The following PTAR1 variants were observed in gnomAD, a reference collection of about 807,000 sequenced individuals.
PTAR1 encodes the protein protein prenyltransferase alpha subunit repeat containing 1, also known as protein prenyltransferase alpha subunit repeat-containing protein 1.
A neutral mutation model predicts 45.5 loss-of-function variants in PTAR1; 17 were observed. The observed-to-expected ratio is 0.37, with a 90% CI of 0.26 to 0.56. The LOEUF (loss-of-function observed/expected upper bound fraction) is 0.56, where lower values mean the gene tolerates loss of function less well. Among genes scored for constraint, PTAR1 ranks in the 20% least tolerant of loss-of-function variants. The probability of loss-of-function intolerance (pLI) is 0.77; values close to 1 mark genes in which losing one functional copy is unlikely to be tolerated. For missense variants in PTAR1, 391 were observed against 476.3 expected, an observed-to-expected ratio of 0.82 and a Z score of 1.67; for synonymous variants, 169 against 171.3, an observed-to-expected ratio of 0.99 and a Z score of 0.11.
intron 6 of PTAR1, among the ~76,000 whole-genome samples, chr9:69,719,214 A>T (rs1243405622): frequency 6.6e-6 from 1 of 152,164 alleles, no homozygotes; most frequent in Non-Finnish European, 1.5e-5. Context: ...ACTTTACCCT[A>T]AATCCATCAC....
intron 6 of PTAR1, among the ~76,000 whole-genome samples, 163 bp from the exon 7 acceptor site, chr9:69,718,847 T>C (rs1824849270): frequency 6.6e-6 from 1 of 152,166 alleles, no homozygotes; most frequent in South Asian, 2.1e-4. Flanking sequence ...AGAGATGATG[T>C]TCCAGGATAT....
intron 3 of PTAR1, among the ~76,000 whole-genome samples, chr9:69,736,780 C>T (rs1347322458): frequency 6.6e-6 from 1 of 151,684 alleles, no homozygotes; most frequent in East Asian, 1.9e-4. Context: ...CACTGCGGTA[C>T]AGAATTTTAA....
intron 5 of PTAR1, among the ~76,000 whole-genome samples, chr9:69,731,415 C>T (rs912223570): frequency 1.3e-5 from 2 of 152,008 alleles, no homozygotes; most frequent in African/African-American, 4.8e-5. Flanking sequence ...ACTGAGACAC[C>T]GTAGTATATA....
chr9:69,759,783 G>A, intron 1 of PTAR1, 70 bp downstream of exon 1: 2 of 1,405,404 alleles, frequency 1.4e-6, no homozygotes, highest in Non-Finnish European at 9.4e-7. Flanking sequence ...GCCCGAGGTC[G>A]GGTGGACGCT....
At chr9:69,758,610 T>C (rs1223803701) in intron 1 of PTAR1, 10 of 319,212 alleles carry the variant, frequency 3.1e-5, no homozygotes, top group Admixed American at 2.6e-4. Flanking sequence ...GCCAGCAGTG[T>C]TTTGTTTTTA....
At chr9:69,748,673 TC>T (rs1826384772) in intron 2 of PTAR1, among the ~76,000 whole-genome samples, 2 of 152,122 alleles carry the variant, frequency 1.3e-5, no homozygotes, top group South Asian at 2.1e-4. Context: ...ATATATATTC[TC>T]TATAACAAAT....
intron 5 of PTAR1, among the ~76,000 whole-genome samples, chr9:69,731,568 C>A (rs1825538658): frequency 6.6e-6 from 1 of 152,188 alleles, no homozygotes; most frequent in African/African-American, 2.4e-5. Flanking sequence ...AGTTTCCAAA[C>A]TGGCTCTGCA....
chr9:69,752,510 T>A (rs528532262), intron 1 of PTAR1, among the ~76,000 whole-genome samples: 4 of 152,174 alleles, frequency 2.6e-5, no homozygotes, highest in Non-Finnish European at 4.4e-5. Context: ...GATCTATGGG[T>A]TTTTATCCTT....
chr9:69,741,547 C>T (rs1382250470), intron 3 of PTAR1: 1 of 446,168 alleles, frequency 2.2e-6, no homozygotes, highest in Non-Finnish European at 4.1e-6. Context: ...AAAATAAAAG[C>T]ATGTATCAAA....
intron 3 of PTAR1, among the ~76,000 whole-genome samples, chr9:69,737,725 GT>G (rs1825855915): frequency 6.6e-6 from 1 of 152,136 alleles, no homozygotes; most frequent in Non-Finnish European, 1.5e-5. Context: ...ACCGTGTAAA[GT>G]GATTTACATA....
At position 69,753,585 on chromosome 9, in the gene PTAR1, G is replaced by A. The variant is rs575455650; in HGVS notation, c.87-2635C>T. 3.3e-5 allele frequency among the ~76,000 whole-genome samples: 5 copies of A among 152,204 alleles called. No homozygotes were observed. The South Asian group carries it at 1.0e-3, about 32-fold the overall frequency. Reference sequence around the variant, plus strand: ...ACTTCAGTTTCCTCATTTGTAAAATGGTAGAATTGTATTATACCTCCAGTA... The same window carrying A: ...ACTTCAGTTTCCTCATTTGTAAAATAGTAGAATTGTATTATACCTCCAGTA... On this transcript the variant is annotated intron_variant, in intron 1 of 7. Coordinates refer to ENST00000340434, the MANE Select transcript of PTAR1 (RefSeq NM_001099666.2).
chr9:69,728,127 T>C (rs1001791372), intron 5 of PTAR1, among the ~76,000 whole-genome samples: 1 of 152,216 alleles, frequency 6.6e-6, no homozygotes, highest in Non-Finnish European at 1.5e-5. Flanking sequence ...TATCAGTATT[T>C]CCTTCCTTTT....
At chr9:69,755,061 AACT>A (rs1315121797) in intron 1 of PTAR1, among the ~76,000 whole-genome samples, 1 of 152,154 alleles carries the variant, frequency 6.6e-6, no homozygotes, top group African/African-American at 2.4e-5. Context: ...TTATGAGAGG[AACT>A]ACTAATAAAT....
At chr9:69,719,404 G>T (rs943867152) in intron 6 of PTAR1, among the ~76,000 whole-genome samples, 19 of 152,126 alleles carry the variant, frequency 1.2e-4, no homozygotes, top group African/African-American at 4.6e-4. Flanking sequence ...TTTCAATTCA[G>T]TGGGGGCACA....
At chr9:69,730,624 C>T (rs944141329) in intron 5 of PTAR1, among the ~76,000 whole-genome samples, 23 of 147,636 alleles carry the variant, frequency 1.6e-4, no homozygotes, top group African/African-American at 5.3e-4. Flanking sequence ...TTCCAACGAG[C>T]GCATCCTAGA....
intron 5 of PTAR1, among the ~76,000 whole-genome samples, chr9:69,727,837 G>C (rs1472108758): frequency 6.6e-6 from 1 of 151,970 alleles, no homozygotes; most frequent in Non-Finnish European, 1.5e-5. Context: ...ATGTACTTTA[G>C]AATCATTTTT....
At chr9:69,756,101 C>T (rs778777066) in intron 1 of PTAR1, among the ~76,000 whole-genome samples, 2 of 152,094 alleles carry the variant, frequency 1.3e-5, no homozygotes, top group African/African-American at 4.8e-5. Flanking sequence ...AAATAAAAAT[C>T]AGGTATAAGA....
At chr9:69,738,731 T>C (rs1452335925) in intron 3 of PTAR1, among the ~76,000 whole-genome samples, 1 of 152,068 alleles carries the variant, frequency 6.6e-6, no homozygotes, top group Non-Finnish European at 1.5e-5. Context: ...CATTAAAGAA[T>C]GGTATTAGAA....
At chr9:69,759,502 A>T (rs1256527713) in intron 1 of PTAR1, among the ~76,000 whole-genome samples, 1 of 152,118 alleles carries the variant, frequency 6.6e-6, no homozygotes, top group Admixed American at 6.5e-5. Flanking sequence ...ACGGACCCAC[A>T]TCGTTGTGTG....
Sources: allele counts gnomAD v4.1 joint callset (sites outside exome capture counted in the v4.1 genomes callset), GRCh38; gene constraint gnomAD v4.1.1; transcripts MANE v1.5; gene names NCBI Gene and HGNC (gene_info 2026-07-23, HGNC 2026-07-21).